The following ECSIT variants were observed in gnomAD, a reference collection of about 807,000 sequenced individuals.
The protein encoded by ECSIT is ECSIT signaling integrator.
ECSIT carries 29 observed loss-of-function variants against 36.8 expected under a neutral mutation model. That is an observed-to-expected ratio of 0.79 (90% CI 0.59 to 1.08). The LOEUF is 1.08. ECSIT is among the 50% of genes least tolerant of loss of function. The pLI is 0.00. For missense variants in ECSIT, 542 were observed against 581.0 expected, an observed-to-expected ratio of 0.93 and a Z score of 0.69; for synonymous variants, 231 against 234.8, an observed-to-expected ratio of 0.98 and a Z score of 0.15.
Position 11,513,218 on chromosome 19 carries a change from G to C in ECSIT, c.576C>G (p.Tyr192Ter). Reference sequence around the variant, plus strand: ...TCAGGCGCACCAACTTGAGCATGGGGTAGCTTTTGCGTCCAAAGATCTGAA... The same window carrying C: ...TCAGGCGCACCAACTTGAGCATGGGCTAGCTTTTGCGTCCAAAGATCTGAA... ...LLIQIFGRKS[Y>*]PMLKLVRLKL... Residue 192 changes from tyrosine (Y) to a stop codon, truncating the protein, a stop_gained, in exon 4 of 8, where the codon TAC becomes TAG. Coordinates refer to ENST00000270517, the MANE Select transcript of ECSIT (RefSeq NM_016581.5). LOFTEE classifies it high-confidence loss of function. 2.5e-6 allele frequency: 4 copies of C among 1,614,166 alleles called. No individual in the cohort carries two copies. The highest frequency in any genetic ancestry group is 3.4e-6 in the Non-Finnish European group (4 of 1,180,042).
In ECSIT at chr19:11,506,182, G is replaced by T. The variant is rs1409339728; in HGVS notation, c.*2C>A. 1.2e-6 allele frequency: 2 copies of T among 1,604,338 alleles called. No homozygotes were observed. Among genetic ancestry groups the T allele is most frequent in the Admixed American group, 1.7e-5 (1 of 60,022 alleles). ...CAGCCCGTGCCCTCGCGCCGGCTCA[G>T]ACTAGCTCTGGCCCTGCTGCTGTCG... On this transcript the variant is annotated 3_prime_UTR_variant, in exon 8 of 8. Coordinates refer to ENST00000270517, the MANE Select transcript of ECSIT (RefSeq NM_016581.5).
At chr19:11,517,706 G>A (rs539603220) in intron 2 of ECSIT, among the ~76,000 whole-genome samples, 1 of 152,200 alleles carries the variant, frequency 6.6e-6, no homozygotes, top group African/African-American at 2.4e-5. Context: ...TAACGAGGGG[G>A]AAACACTGCA....
At chr19:11,526,821 T>C (rs1231985753) in intron 1 of ECSIT, among the ~76,000 whole-genome samples, 1 of 150,316 alleles carries the variant, frequency 6.7e-6, no homozygotes, top group African/African-American at 2.5e-5. Context: ...CCAGTTCAAG[T>C]TGGTTCTCAT....
chr19:11,528,812 A>T (rs6511736), intron 1 of ECSIT: 35,828 of 152,292 alleles, frequency 0.24, 9,175 homozygotes, highest in African/African-American at 0.64. Flanking sequence ...CGGATTCCAA[A>T]TCCTGCCCGG....
chr19:11,522,688 G>A (rs910057556), intron 1 of ECSIT, among the ~76,000 whole-genome samples: 1 of 151,954 alleles, frequency 6.6e-6, no homozygotes, highest in Non-Finnish European at 1.5e-5. Context: ...ACTCCAGCCT[G>A]GGTGACCGAG....
chr19:11,508,106 G>T (rs1458204623), intron 4 of ECSIT, 58 bp from the exon 5 acceptor site: 47 of 1,601,838 alleles, frequency 2.9e-5, no homozygotes, highest in Non-Finnish European at 2.6e-5. Flanking sequence ...AGAGGAACTG[G>T]GGACAGAGAA....
intron 3 of ECSIT, among the ~76,000 whole-genome samples, chr19:11,513,600 G>A (rs1971919917): frequency 1.8e-5 from 2 of 111,852 alleles, no homozygotes; most frequent in African/African-American, 3.4e-5. Flanking sequence ...GTGGGGGGAG[G>A]AGAGGGAGGG....
At chr19:11,525,920 A>T (rs902354727) in intron 1 of ECSIT, among the ~76,000 whole-genome samples, 4 of 151,844 alleles carry the variant, frequency 2.6e-5, no homozygotes, top group Admixed American at 2.6e-4. Context: ...CATCTCAAAA[A>T]AAAAGCAAAA....
chr19:11,515,634 T>G (rs1374290160), intron 2 of ECSIT, among the ~76,000 whole-genome samples: 1 of 151,928 alleles, frequency 6.6e-6, no homozygotes, highest in African/African-American at 2.4e-5. Context: ...TTTTTATGTT[T>G]TGTTTGTTTG....
chr19:11,508,014 T>A lies in ECSIT; in HGVS notation c.773A>T (p.Asp258Val), dbSNP rs914441214. The change falls in exon 5 of 8, where the codon GAT becomes GTT. Residue 258 changes from aspartate (D) to valine (V), a missense_variant. Physicochemically the swap from Asp to Val is radical, Grantham distance 152. Coordinates refer to ENST00000270517, the MANE Select transcript of ECSIT (RefSeq NM_016581.5). ...ACCTACGATGTGGGGCTGGGGGGGA[T>A]CTGCTGCACCTGTTGAGTCTTTGGG... ...PLPKDSTGAA[D>V]PPQPHIVGIQ... 5.6e-6 allele frequency: 9 copies of A among 1,613,974 alleles called. No homozygotes were observed. Among genetic ancestry groups the A allele is most frequent in the Non-Finnish European group, 7.6e-6 (9 of 1,180,026 alleles).
Position 11,510,672 on chromosome 19 carries a change from C to T in ECSIT, c.738+2384G>A, listed in dbSNP as rs1174250451. On this transcript the variant is annotated intron_variant, in intron 4 of 7. Coordinates refer to ENST00000270517, the MANE Select transcript of ECSIT (RefSeq NM_016581.5). ...GCAGCGCACGGGGCCTGGGTAGAAG[C>T]AGAGGACTCGTCACTGTGTGCTTTT... The T allele has an allele frequency of 2.0e-5, 3 of 152,084 alleles. No homozygotes were observed. In the East Asian group the frequency reaches 5.8e-4, roughly 29 times the overall value. 9.4% of individuals were successfully genotyped at this position (152,084 alleles called of 1,614,324 possible).
At chr19:11,522,240 C>A in intron 1 of ECSIT, 1 of 613,092 alleles carries the variant, frequency 1.6e-6, no homozygotes, top group Non-Finnish European at 2.9e-6. Flanking sequence ...GCAGCACCCA[C>A]AACATGTACC....
chr19:11,528,686 C>T (rs1972264737), intron 1 of ECSIT: 1 of 152,208 alleles, frequency 6.6e-6, no homozygotes, highest in South Asian at 2.1e-4. Flanking sequence ...TGAACGGAAA[C>T]AAGCCTCAAT....
chr19:11,508,479 G>A (rs954640723), intron 4 of ECSIT, among the ~76,000 whole-genome samples: 4 of 150,488 alleles, frequency 2.7e-5, no homozygotes, highest in Non-Finnish European at 5.9e-5. Context: ...TTGAACTCCT[G>A]GGCTCAAGTG....
rs1971730545 is a variant in ECSIT at position 11,506,181 on chromosome 19, A to G, written c.*3T>C. 6.2e-7 allele frequency: 1 copy of G among 1,604,180 alleles called. No individual in the cohort carries two copies. The highest frequency in any genetic ancestry group is 8.5e-7 in the Non-Finnish European group (1 of 1,179,746). ...ACAGCCCGTGCCCTCGCGCCGGCTC[A>G]GACTAGCTCTGGCCCTGCTGCTGTC... On this transcript the variant is annotated 3_prime_UTR_variant, in exon 8 of 8. Transcript: ENST00000270517.
At chr19:11,522,152 C>G in intron 1 of ECSIT, 1 of 430,110 alleles carries the variant, frequency 2.3e-6, no homozygotes, top group Non-Finnish European at 4.3e-6. Flanking sequence ...GGGAGACTGT[C>G]AACTGTGGGC....
chr19:11,508,597 G>A (rs1971807553), intron 4 of ECSIT, among the ~76,000 whole-genome samples: 1 of 151,958 alleles, frequency 6.6e-6, no homozygotes, highest in South Asian at 2.1e-4. Flanking sequence ...TCATTACCCA[G>A]GCTGGAGTGC....
rs537966726 is a variant in ECSIT at position 11,519,405 on chromosome 19, A to T, written c.-23-212T>A. Among the ~76,000 whole-genome samples the T allele has an allele frequency of 6.6e-6, 1 of 152,160 alleles. No individual in the cohort carries two copies. Among genetic ancestry groups the T allele is most frequent in the African/African-American group, 2.4e-5 (1 of 41,444 alleles). ...GCCCCAGGGGCGTGATCATAGCTCA[A>T]TGCAGCCTCCAACTTCTGGGCCCAA... On this transcript the variant is annotated intron_variant, in intron 1 of 7. Transcript: ENST00000270517. This position sits in a 1 kb window ranked among gnomAD's most constrained non-coding sequence, Gnocchi z 4.4.
At position 11,507,908 on chromosome 19, in the gene ECSIT, G is replaced by GGAGCCCAGCCTAGGCCCAGC. The variant is rs772808042; in HGVS notation, c.796+63_797-59dup. 22 of 1,613,862 alleles carry GGAGCCCAGCCTAGGCCCAGC rather than the reference G, an allele frequency of 1.4e-5. No individual in the cohort carries two copies. The Admixed American group carries it at 3.7e-4, about 27-fold the overall frequency. On this transcript the variant is annotated intron_variant, in intron 5 of 7. Coordinates refer to ENST00000270517, the MANE Select transcript of ECSIT (RefSeq NM_016581.5). The stretch of plus-strand genomic sequence containing the variant: ...CAAGGGACTCGGCCCAGAGGCCCAG[G>GGAGCCCAGCCTAGGCCCAGC]GAGCCCAGCCTAGGCCCAGCGAGAA...
Sources: allele counts gnomAD v4.1 joint callset (sites outside exome capture counted in the v4.1 genomes callset), GRCh38; gene constraint gnomAD v4.1.1; non-coding constraint Gnocchi (gnomAD v3.1); transcripts MANE v1.5; gene names NCBI Gene and HGNC (gene_info 2026-07-23, HGNC 2026-07-21).